The following EFL1 variants were observed in gnomAD, a reference collection of about 807,000 sequenced individuals.
EFL1 encodes elongation factor like GTPase 1.
In EFL1, 76 loss-of-function variants were observed where a neutral mutation model predicts 126.7. The observed-to-expected ratio is 0.60, with a 90% CI of 0.50 to 0.73. The LOEUF (loss-of-function observed/expected upper bound fraction) is 0.73, where lower values mean the gene tolerates loss of function less well. EFL1 is among the 30% of genes least tolerant of loss of function. EFL1 has a pLI of 0.00. For missense variants in EFL1, 1,128 were observed against 1,343.2 expected (o/e 0.84, Z 2.50); for synonymous variants, 410 against 448.4 (o/e 0.91, Z 1.08).
chr15:82,137,803 A>G (rs2073737849), intron 19 of EFL1, among the ~76,000 whole-genome samples: 1 of 152,098 alleles, frequency 6.6e-6, no homozygotes, highest in Non-Finnish European at 1.5e-5. Context: ...TGAAAAGTAA[A>G]TTGTTTTTTG....
intron 15 of EFL1, 57 bp from the exon 16 acceptor site, chr15:82,164,041 T>C: frequency 6.3e-7 from 1 of 1,593,044 alleles, no homozygotes; most frequent in Non-Finnish European, 8.6e-7. Flanking sequence ...TGAATTTATG[T>C]CAGAAAAACA....
At chr15:82,171,521 T>C (rs1053643820) in intron 15 of EFL1, among the ~76,000 whole-genome samples, 3 of 152,130 alleles carry the variant, frequency 2.0e-5, no homozygotes, top group Non-Finnish European at 4.4e-5. Context: ...AATGATATAA[T>C]TGCATCTGCG....
chr15:82,159,297 TA>T (rs1257311268), intron 16 of EFL1, among the ~76,000 whole-genome samples: 2 of 151,904 alleles, frequency 1.3e-5, no homozygotes, highest in Non-Finnish European at 2.9e-5. Flanking sequence ...CACATGGGAA[TA>T]ATAAAAAAAG....
chr15:82,172,565 T>C (rs1301836368), intron 15 of EFL1, among the ~76,000 whole-genome samples: 1 of 151,292 alleles, frequency 6.6e-6, no homozygotes, highest in Non-Finnish European at 1.5e-5. Context: ...CTGTTCATAA[T>C]AATCTGAGTT....
At chr15:82,227,017 A>AAACTGGCCATTAGAT (rs2074770857) in intron 11 of EFL1, among the ~76,000 whole-genome samples, 2 of 152,228 alleles carry the variant, frequency 1.3e-5, no homozygotes, top group Non-Finnish European at 2.9e-5. Flanking sequence ...TGAAGACTGA[A>AAACTGGCCATTAGAT]AACTGGCCAT....
intron 6 of EFL1, among the ~76,000 whole-genome samples, 199 bp downstream of exon 6, chr15:82,240,219 T>C (rs1011242338): frequency 4.3e-4 from 66 of 152,186 alleles, no homozygotes; most frequent in South Asian, 2.1e-4. Context: ...AAGCTTTATA[T>C]GATGGGTGAT....
chr15:82,261,062 T>G (rs2075110499), intron 2 of EFL1, among the ~76,000 whole-genome samples: 1 of 152,186 alleles, frequency 6.6e-6, no homozygotes, highest in Admixed American at 6.5e-5. Context: ...CCCTCTCCCC[T>G]TGATGACACA....
Position 82,229,063 on chromosome 15 carries a change from T to C in EFL1, c.903A>G (p.Ile301Met), listed in dbSNP as rs201623679. 2.0e-5 allele frequency: 32 copies of C among 1,612,154 alleles called. No individual in the cohort carries two copies. Among genetic ancestry groups the C allele is most frequent in the Non-Finnish European group, 2.6e-5 (31 of 1,179,544 alleles). ...PLFVQLILEN[I>M]WSLYDAVLKK... ...TCAAAACAGCATCATACAAACTCCA[T>C]ATATTTTCCAGGATCAACTGTACAA... The change falls in exon 9 of 20, where the codon ATA becomes ATG. Residue 301 changes from isoleucine to methionine, a missense_variant. Ile to Met is a conservative substitution (Grantham distance 10, BLOSUM62 1). Around this residue, in one of 6 missense-constraint regions of EFL1, gnomAD observed 316 missense variants for 318.5 expected, o/e 0.99. Coordinates refer to ENST00000268206, the MANE Select transcript of EFL1 (RefSeq NM_024580.6).
chr15:82,213,783 T>G (rs539757255), intron 15 of EFL1, among the ~76,000 whole-genome samples: 2 of 152,332 alleles, frequency 1.3e-5, no homozygotes, highest in African/African-American at 4.8e-5. Context: ...TTGTTAAGGT[T>G]AAATGGCATT....
At chr15:82,226,351 T>C (rs1446630744) in intron 11 of EFL1, among the ~76,000 whole-genome samples, 2 of 152,188 alleles carry the variant, frequency 1.3e-5, no homozygotes, top group Non-Finnish European at 2.9e-5. Context: ...GTATTTTTAG[T>C]AGAGACGGAG....
Position 82,202,923 on chromosome 15 carries a change from C to T in EFL1, c.1750+11794G>A, listed in dbSNP as rs190109018. ...GCCTCCCGGTTTCAAGTGATTCTCC[C>T]GCCTCAGCCTCCCGAGTAGCTGGGG... On this transcript the variant is annotated intron_variant, in intron 15 of 19. Transcript: ENST00000268206. Among the ~76,000 whole-genome samples the T allele has an allele frequency of 6.6e-5, 10 of 151,876 alleles. No individual in the cohort carries two copies. In the East Asian group the frequency reaches 1.6e-3, roughly 24 times the overall value.
At chr15:82,160,648 AT>A (rs113387733) in intron 16 of EFL1, among the ~76,000 whole-genome samples, 3,017 of 152,218 alleles carry the variant, frequency 0.02, 71 homozygotes, top group African/African-American at 0.058. Context: ...GGTATCAAAA[AT>A]TTTTTTTAAC....
At chr15:82,141,406 A>T (rs773934851) in intron 18 of EFL1, among the ~76,000 whole-genome samples, 29 of 152,190 alleles carry the variant, frequency 1.9e-4, no homozygotes, top group Admixed American at 5.9e-4. Flanking sequence ...GCGGTGGCTC[A>T]CGCCTATAAT....
At chr15:82,165,871 G>A (rs1233624487) in intron 15 of EFL1, among the ~76,000 whole-genome samples, 3 of 152,200 alleles carry the variant, frequency 2.0e-5, no homozygotes, top group Non-Finnish European at 4.4e-5. Flanking sequence ...TCAGACTAAA[G>A]TTTCTAGGAT....
chr15:82,138,146 A>G (rs2073741833), intron 19 of EFL1, among the ~76,000 whole-genome samples: 1 of 152,172 alleles, frequency 6.6e-6, no homozygotes, highest in Non-Finnish European at 1.5e-5. Context: ...CAACACCTGA[A>G]AGCCACAGAA....
chr15:82,235,076 CA>C (rs1405476933), intron 7 of EFL1, among the ~76,000 whole-genome samples: 1 of 152,096 alleles, frequency 6.6e-6, no homozygotes, highest in Non-Finnish European at 1.5e-5. Context: ...ATAGGGAAGA[CA>C]CCAAGAGAAG....
chr15:82,189,405 T>C (rs12912105), intron 15 of EFL1, among the ~76,000 whole-genome samples: 138,070 of 152,258 alleles, frequency 0.91, 62,934 homozygotes, highest in African/African-American at 0.97. Context: ...ATTCTAAGAG[T>C]CTAGAAGATT....
At chr15:82,217,475 G>A (rs1179913710) in intron 14 of EFL1, among the ~76,000 whole-genome samples, 1 of 144,870 alleles carries the variant, frequency 6.9e-6, no homozygotes, top group Non-Finnish European at 1.5e-5. Context: ...ATGCCACACT[G>A]AACAATAAAC....
rs1265643768 is a variant in EFL1 at position 82,137,322 on chromosome 15, G to C, written c.3174+1336C>G. On this transcript the variant is annotated intron_variant, in intron 19 of 19. Coordinates refer to ENST00000268206, the MANE Select transcript of EFL1 (RefSeq NM_024580.6). The stretch of plus-strand genomic sequence containing the variant: ...GCTAAAGAAAGTGAGAAAGATAACA[G>C]CTTAGCATTGAAGCTAAATCATGAG... Among the ~76,000 whole-genome samples the C allele has an allele frequency of 1.3e-5, 2 of 152,096 alleles. 1 individual carries two copies. Among genetic ancestry groups the C allele is most frequent in the Non-Finnish European group, 2.9e-5 (2 of 68,012 alleles).
Sources: gnomAD v4.1 joint callset for allele counts (sites outside exome capture counted in the v4.1 genomes callset) on GRCh38, gnomAD v4.1.1 for gene constraint, gnomAD v4.1.1 regional missense constraint, MANE v1.5 for transcripts, NCBI Gene and HGNC (gene_info 2026-07-23, HGNC 2026-07-21) for gene names.